The following FA2H variants were observed in gnomAD, a reference collection of about 807,000 sequenced individuals.
The protein encoded by FA2H is fatty acid alpha-hydroxylase.
Under a neutral mutation model 44.9 loss-of-function variants are expected in FA2H, and 22 were observed. The observed-to-expected ratio is 0.49, with a 90% CI of 0.35 to 0.70. The LOEUF is 0.70. Ranked by LOEUF, FA2H falls within the 30% of genes least tolerant of loss-of-function variation. The probability of loss-of-function intolerance (pLI) is 0.01; values close to 1 mark genes in which losing one functional copy is unlikely to be tolerated. For missense variants in FA2H, 501 were observed against 504.9 expected (o/e 0.99, Z 0.07); for synonymous variants, 243 against 213.2 (o/e 1.14, Z -1.22).
At chr16:74,741,673 C>G (rs1308183506) in intron 1 of FA2H, among the ~76,000 whole-genome samples, 1 of 151,034 alleles carries the variant, frequency 6.6e-6, no homozygotes, top group East Asian at 2.0e-4. Flanking sequence ...GTTGCCCAGA[C>G]TGGTCTTGAA....
intron 1 of FA2H, among the ~76,000 whole-genome samples, chr16:74,740,737 G>A (rs1286276209): frequency 3.9e-5 from 6 of 152,072 alleles, no homozygotes; most frequent in Non-Finnish European, 7.4e-5. Context: ...AGAGACTGCA[G>A]GGAAAGAAGC....
chr16:74,746,075 C>T (rs1489083601), intron 1 of FA2H, among the ~76,000 whole-genome samples: 2 of 151,686 alleles, frequency 1.3e-5, no homozygotes, highest in African/African-American at 4.8e-5. Context: ...CTTGGGATTA[C>T]AGGCATGAGC....
At chr16:74,745,907 G>C (rs1201965062) in intron 1 of FA2H, among the ~76,000 whole-genome samples, 1 of 149,366 alleles carries the variant, frequency 6.7e-6, no homozygotes, top group South Asian at 2.1e-4. Context: ...CTGAGTTCAA[G>C]CAATTCTCCT....
At chr16:74,749,677 G>A (rs1962496052) in intron 1 of FA2H, among the ~76,000 whole-genome samples, 1 of 152,144 alleles carries the variant, frequency 6.6e-6, no homozygotes. Context: ...TAGGAAAAGG[G>A]GCCAGTGGTT....
At chr16:74,760,361 A>G (rs1221881537) in intron 1 of FA2H, among the ~76,000 whole-genome samples, 1 of 152,208 alleles carries the variant, frequency 6.6e-6, no homozygotes, top group Non-Finnish European at 1.5e-5. Flanking sequence ...TGGCTAAACT[A>G]AAATTGTCTA....
intron 1 of FA2H, among the ~76,000 whole-genome samples, chr16:74,763,116 A>G (rs1962743325): frequency 6.6e-6 from 1 of 152,202 alleles, no homozygotes; most frequent in Non-Finnish European, 1.5e-5. Flanking sequence ...GTAGGCCTTG[A>G]TCAAACTGAC....
chr16:74,768,541 C>A (rs1339611757), intron 1 of FA2H, among the ~76,000 whole-genome samples: 1 of 152,200 alleles, frequency 6.6e-6, no homozygotes, highest in African/African-American at 2.4e-5. Context: ...TGATCTCAAC[C>A]CCTCCAGTAA....
At chr16:74,742,555 C>T (rs1962333742) in intron 1 of FA2H, among the ~76,000 whole-genome samples, 1 of 152,146 alleles carries the variant, frequency 6.6e-6, no homozygotes, top group Non-Finnish European at 1.5e-5. Flanking sequence ...ATTTCAAAGG[C>T]AGGCACGGTA....
intron 1 of FA2H, among the ~76,000 whole-genome samples, chr16:74,747,668 G>A (rs1480869823): frequency 1.3e-5 from 2 of 152,148 alleles, no homozygotes; most frequent in Non-Finnish European, 2.9e-5. Context: ...CCAAGCCAAG[G>A]ATGGTCAAGA....
rs576554435 is a variant in FA2H at position 74,751,272 on chromosome 16, T to G, written c.271-11157A>C. On this transcript the variant is annotated intron_variant, in intron 1 of 6. Transcript: ENST00000219368. ...ACCATGCCTGACTAATTTTTTGTATTTTTAGTAGAGATGGGATTTCACTAT... is the reference window on the plus strand; with the variant it reads ...ACCATGCCTGACTAATTTTTTGTATGTTTAGTAGAGATGGGATTTCACTAT... 2.6e-5 allele frequency among the ~76,000 whole-genome samples: 4 copies of G among 152,116 alleles called. No individual in the cohort carries two copies. In the East Asian group the frequency reaches 7.8e-4, roughly 30 times the overall value.
chr16:74,737,061 C>G (rs573664546), intron 2 of FA2H, among the ~76,000 whole-genome samples: 67 of 152,338 alleles, frequency 4.4e-4, no homozygotes, highest in African/African-American at 1.4e-3. Flanking sequence ...TCAGGGCTAA[C>G]TCCGCTGCTG....
At chr16:74,740,143 T>C (rs878971680) in intron 1 of FA2H, 28 bp from the exon 2 acceptor site, 3 of 1,570,052 alleles carry the variant, frequency 1.9e-6, no homozygotes, top group Non-Finnish European at 2.6e-6. Context: ...AAGAGGATTA[T>C]ACACAGTGGG....
intron 2 of FA2H, among the ~76,000 whole-genome samples, chr16:74,730,223 G>A (rs1271183201): frequency 6.6e-6 from 1 of 152,090 alleles, no homozygotes; most frequent in Non-Finnish European, 1.5e-5. Context: ...CTGTGCCTGT[G>A]ACCAGGGTGA....
chr16:74,755,583 G>A (rs950688350), intron 1 of FA2H, among the ~76,000 whole-genome samples: 7 of 152,070 alleles, frequency 4.6e-5, no homozygotes, highest in South Asian at 2.1e-4. Context: ...TTAAGAACAC[G>A]TCTGTGAATG....
At chr16:74,727,907 T>C (rs1487909555) in intron 2 of FA2H, among the ~76,000 whole-genome samples, 2 of 152,246 alleles carry the variant, frequency 1.3e-5, no homozygotes, top group African/African-American at 4.8e-5. Flanking sequence ...AATTAATTCA[T>C]TCAATCATTT....
intron 1 of FA2H, among the ~76,000 whole-genome samples, chr16:74,748,498 G>A (rs1388847306): frequency 6.6e-6 from 1 of 152,120 alleles, no homozygotes; most frequent in African/African-American, 2.4e-5. Context: ...TTGCTGGACG[G>A]GCGGGGGGAG....
chr16:74,758,121 T>C (rs961004074), intron 1 of FA2H, among the ~76,000 whole-genome samples: 25 of 91,602 alleles, frequency 2.7e-4, no homozygotes, highest in Non-Finnish European at 6.6e-4. Flanking sequence ...ACAATTCTTT[T>C]TTTTTTTTTT....
In FA2H at chr16:74,774,684, C is replaced by G; in HGVS notation, c.72G>C (p.Ala24=). 2 of 1,390,734 alleles carry G rather than the reference C, an allele frequency of 1.4e-6. No homozygotes were observed. The highest frequency in any genetic ancestry group is 2.6e-4 in the Middle Eastern group (1 of 3,844). 86.1% of individuals were successfully genotyped at this position (1,390,734 alleles called of 1,614,324 possible). A position where few individuals can be genotyped will look rare whatever the true frequency, so the allele number is the denominator to read the frequency against. The part of the protein sequence containing the change: ...SEVQRRLAAG[A]CWVRRGARLY... The stretch of plus-strand genomic sequence containing the variant: ...GGCGGGCCCCGCGGCGGACCCAGCA[C>G]GCGCCGGCCGCCAGGCGCCGCTGGA... The change falls in exon 1 of 7, where the codon GCG becomes GCC. Residue 24 remains alanine, a synonymous_variant. Transcript: ENST00000219368.
At chr16:74,767,106 C>T (rs1436261683) in intron 1 of FA2H, among the ~76,000 whole-genome samples, 3 of 152,038 alleles carry the variant, frequency 2.0e-5, no homozygotes, top group Non-Finnish European at 2.9e-5. Context: ...GTTAAGAGAT[C>T]AAGATCATCC....
Sources: allele counts gnomAD v4.1 joint callset (sites outside exome capture counted in the v4.1 genomes callset), GRCh38; gene constraint gnomAD v4.1.1; transcripts MANE v1.5; gene names NCBI Gene and HGNC (gene_info 2026-07-23, HGNC 2026-07-21).